Variants in SRBD1 observed in about 807,000 individuals in gnomAD.
The protein encoded by SRBD1 is S1 RNA binding domain 1, also known as S1 RNA-binding domain-containing protein 1.
A neutral mutation model predicts 115.3 loss-of-function variants in SRBD1; 88 were observed. The ratio of observed to expected loss-of-function variants is 0.76; its 90% confidence interval spans 0.64 to 0.91. SRBD1 has a LOEUF of 0.91. Ranked by LOEUF, SRBD1 falls within the 40% of genes least tolerant of loss-of-function variation. The probability of loss-of-function intolerance (pLI) is 0.00; values close to 1 mark genes in which losing one functional copy is unlikely to be tolerated. For missense variants in SRBD1, 1,385 were observed against 1,177.4 expected, an observed-to-expected ratio of 1.18 and a Z score of -2.58; for synonymous variants, 509 against 407.7, an observed-to-expected ratio of 1.25 and a Z score of -2.99.
chr2:45,489,596 T>A (rs1299298978), intron 14 of SRBD1, among the ~76,000 whole-genome samples: 2 of 152,254 alleles, frequency 1.3e-5, no homozygotes, highest in Admixed American at 1.3e-4. Context: ...GCTTATCCTG[T>A]TTTTCATCAT....
At chr2:45,451,136 T>C (rs1403898902) in intron 16 of SRBD1, among the ~76,000 whole-genome samples, 1 of 152,086 alleles carries the variant, frequency 6.6e-6, no homozygotes, top group Non-Finnish European at 1.5e-5. Flanking sequence ...ATGACAGAAT[T>C]ATTGGCAAAT....
chr2:45,471,234 A>G (rs1293715349), intron 16 of SRBD1, among the ~76,000 whole-genome samples: 1 of 152,200 alleles, frequency 6.6e-6, no homozygotes, highest in Non-Finnish European at 1.5e-5. Context: ...AAATCACATC[A>G]ACAAGTATCA....
intron 6 of SRBD1, among the ~76,000 whole-genome samples, chr2:45,580,843 C>T (rs112786257): frequency 0.014 from 2,163 of 151,034 alleles, 16 homozygotes; most frequent in Non-Finnish European, 0.023. Flanking sequence ...CGCCACCACG[C>T]CCAGCTAATT....
chr2:45,604,883 G>C (rs1674217227), intron 2 of SRBD1, among the ~76,000 whole-genome samples: 1 of 152,108 alleles, frequency 6.6e-6, no homozygotes. Flanking sequence ...CTCTAAAGCA[G>C]AGATTCTCAA....
intron 14 of SRBD1, among the ~76,000 whole-genome samples, chr2:45,497,382 G>A (rs968632580): frequency 4.6e-5 from 7 of 152,146 alleles, no homozygotes; most frequent in Non-Finnish European, 8.8e-5. Flanking sequence ...CAGGAACAGG[G>A]TAGACTGAAT....
At chr2:45,436,602 G>A (rs1478962273) in intron 16 of SRBD1, among the ~76,000 whole-genome samples, 2 of 152,152 alleles carry the variant, frequency 1.3e-5, no homozygotes, top group East Asian at 1.9e-4. Flanking sequence ...CTTACATGGT[G>A]GCAGGTGAGA....
intron 19 of SRBD1, among the ~76,000 whole-genome samples, chr2:45,401,683 A>G (rs1382132648): frequency 6.6e-6 from 1 of 152,212 alleles, no homozygotes; most frequent in Non-Finnish European, 1.5e-5. Context: ...CCAATGCAGA[A>G]CGAAGCTGTG....
chr2:45,475,772 C>G (rs111314979), intron 16 of SRBD1, among the ~76,000 whole-genome samples: 38 of 152,336 alleles, frequency 2.5e-4, no homozygotes, highest in African/African-American at 8.7e-4. Context: ...AATCTTGGCT[C>G]ACTGCAACCT....
At chr2:45,610,036 T>A (rs1035029794) in intron 1 of SRBD1, among the ~76,000 whole-genome samples, 4 of 152,190 alleles carry the variant, frequency 2.6e-5, no homozygotes, top group Admixed American at 2.0e-4. Flanking sequence ...ATGCCACACA[T>A]TGCATTCATC....
intron 4 of SRBD1, among the ~76,000 whole-genome samples, chr2:45,591,752 C>T (rs546332698): frequency 6.6e-6 from 1 of 152,304 alleles, no homozygotes; most frequent in Admixed American, 6.5e-5. Flanking sequence ...ATCACATTGC[C>T]TCTCTAAAAG....
At chr2:45,453,589 T>TGTAATGTAAA (rs1382761156) in intron 16 of SRBD1, among the ~76,000 whole-genome samples, 1 of 151,926 alleles carries the variant, frequency 6.6e-6, no homozygotes, top group African/African-American at 2.4e-5. Flanking sequence ...TGTTGAGAGT[T>TGTAATGTAAA]CCTATAAATT....
intron 19 of SRBD1, among the ~76,000 whole-genome samples, chr2:45,407,777 T>C (rs1667479664): frequency 6.6e-6 from 1 of 152,032 alleles, no homozygotes; most frequent in Non-Finnish European, 1.5e-5. Flanking sequence ...CATAACATTA[T>C]AAGCAGATAT....
intron 14 of SRBD1, among the ~76,000 whole-genome samples, chr2:45,515,003 A>C (rs1178527902): frequency 6.6e-6 from 1 of 152,176 alleles, no homozygotes; most frequent in Non-Finnish European, 1.5e-5. Flanking sequence ...TTAATTTTAA[A>C]AGGAATTTCT....
intron 1 of SRBD1, among the ~76,000 whole-genome samples, chr2:45,607,198 G>A (rs1037852723): frequency 2.0e-5 from 3 of 152,150 alleles, no homozygotes; most frequent in Admixed American, 2.0e-4. Flanking sequence ...ACAGGTAATT[G>A]TGATTTTTAT....
chr2:45,406,503 TTTAA>T (rs1558557153), intron 19 of SRBD1, among the ~76,000 whole-genome samples: 1 of 152,182 alleles, frequency 6.6e-6, no homozygotes, highest in African/African-American at 2.4e-5. Context: ...TCTTGCCATA[TTTAA>T]TTGACATTCT....
At chr2:45,476,884 C>T in intron 16 of SRBD1, 109 bp downstream of exon 16, 1 of 966,274 alleles carries the variant, frequency 1.0e-6, no homozygotes, top group Non-Finnish European at 1.6e-6. Context: ...AACTGTATAA[C>T]CTTGAAAATG....
chr2:45,470,491 G>A (rs942785913), intron 16 of SRBD1, among the ~76,000 whole-genome samples: 2 of 152,178 alleles, frequency 1.3e-5, no homozygotes, highest in Non-Finnish European at 2.9e-5. Context: ...CACAAAGGAG[G>A]AAAGAGCACT....
At chr2:45,524,856 A>C (rs903481997) in intron 14 of SRBD1, among the ~76,000 whole-genome samples, 1 of 152,066 alleles carries the variant, frequency 6.6e-6, no homozygotes, top group Non-Finnish European at 1.5e-5. Context: ...AGAAAAAACA[A>C]AGTAGAAGAC....
intron 5 of SRBD1, among the ~76,000 whole-genome samples, chr2:45,583,810 GC>G (rs1408400834): frequency 4.6e-5 from 7 of 152,078 alleles, no homozygotes; most frequent in African/African-American, 7.2e-5. Context: ...TCCAGTCAAT[GC>G]CCCCACTTAC....
Sources: allele counts gnomAD v4.1 joint callset (sites outside exome capture counted in the v4.1 genomes callset), GRCh38; gene constraint gnomAD v4.1.1; transcripts MANE v1.5; gene names NCBI Gene and HGNC (gene_info 2026-07-23, HGNC 2026-07-21).